Variants in ADGRL2 observed in about 807,000 individuals in gnomAD.
ADGRL2 encodes calcium-independent alpha-latrotoxin receptor 2.
ADGRL2 carries 44 observed loss-of-function variants against 157.4 expected under a neutral mutation model. That is an observed-to-expected ratio of 0.28 (90% CI 0.22 to 0.36). The LOEUF is 0.36. Among genes scored for constraint, ADGRL2 ranks in the 10% least tolerant of loss-of-function variants. The pLI, the probability that ADGRL2 is intolerant of heterozygous loss-of-function variation, is 1.00. For missense variants in ADGRL2, 1,510 were observed against 1,768.9 expected (o/e 0.85, Z 2.63); for synonymous variants, 585 against 624.7 (o/e 0.94, Z 0.95).
At chr1:81,603,170 G>C (rs2081367787) in intron 3 of ADGRL2, among the ~76,000 whole-genome samples, 1 of 151,416 alleles carries the variant, frequency 6.6e-6, no homozygotes, top group African/African-American at 2.4e-5. Context: ...TTTTTCTTTG[G>C]CCTAAAATAT....
intron 1 of ADGRL2, among the ~76,000 whole-genome samples, chr1:81,832,365 G>A (rs1158828339): frequency 3.3e-5 from 5 of 152,072 alleles, no homozygotes; most frequent in African/African-American, 9.7e-5. Flanking sequence ...GGCTGGTCTC[G>A]AACTCCTGAC....
At chr1:81,377,499 G>T (rs1376366747) in intron 1 of ADGRL2, among the ~76,000 whole-genome samples, 1 of 151,986 alleles carries the variant, frequency 6.6e-6, no homozygotes, top group Non-Finnish European at 1.5e-5. Flanking sequence ...TTGCTGTTTG[G>T]TACATACTCA....
chr1:81,568,801 C>A (rs2080620578), intron 2 of ADGRL2, among the ~76,000 whole-genome samples: 1 of 152,000 alleles, frequency 6.6e-6, no homozygotes, highest in Non-Finnish European at 1.5e-5. Flanking sequence ...TTATTCAATT[C>A]ATTTTTTAAA....
At chr1:81,980,180 G>T (rs1661256409) in intron 18 of ADGRL2, among the ~76,000 whole-genome samples, 1 of 151,538 alleles carries the variant, frequency 6.6e-6, no homozygotes, top group South Asian at 2.1e-4. Flanking sequence ...TTGTTTCAGT[G>T]GCTTTGTGGA....
chr1:81,969,686 A>G (rs1158273088), intron 15 of ADGRL2, among the ~76,000 whole-genome samples: 1 of 152,096 alleles, frequency 6.6e-6, no homozygotes, highest in African/African-American at 2.4e-5. Context: ...AAAAATTCTT[A>G]TTTTGTTTAC....
In ADGRL2 at chr1:81,723,987, G is replaced by A. The variant is rs79879103; in HGVS notation, c.-143+24179G>A. ...ATTCTCTTTCCTAGTCAAAAAATGCGCAACTCCGTGTCTGCTTTCTGCTTG... is the reference window on the plus strand; with the variant it reads ...ATTCTCTTTCCTAGTCAAAAAATGCACAACTCCGTGTCTGCTTTCTGCTTG... On this transcript the variant is annotated intron_variant, in intron 1 of 20. Coordinates refer to the ADGRL2 transcript ENST00000359929. Among the ~76,000 whole-genome samples the A allele has an allele frequency of 4.3e-3, 657 of 152,084 alleles. 2 individuals are homozygous for A. Among genetic ancestry groups the A allele is most frequent in the Non-Finnish European group, 6.9e-3 (466 of 68,000 alleles).
At chr1:81,807,739 G>A (rs914421550) in intron 1 of ADGRL2, among the ~76,000 whole-genome samples, 17 of 151,832 alleles carry the variant, frequency 1.1e-4, no homozygotes, top group African/African-American at 4.1e-4. Flanking sequence ...TGTTAAGCAT[G>A]TTAAGTATAG....
rs779206551 is a variant in ADGRL2, at chr1:81,907,187, A to G, written c.244A>G (p.Thr82Ala). The change falls in exon 3 of 24, where the codon ACA becomes GCA. Residue 82 changes from threonine (T) to alanine (A), a missense_variant. Physicochemically the swap from Thr to Ala is moderately conservative, Grantham distance 58. This residue lies in a region of ADGRL2 where 361 missense variants were observed against 498.4 expected (regional missense o/e 0.72). Coordinates refer to ENST00000686636, the MANE Select transcript of ADGRL2 (RefSeq NM_001366006.2). ...CDADPFQMEN[T>A]DCYLPDAFKI... ...TGCTGACCCATTTCAGATGGAGAAT[A>G]CAGACTGCTACCTCCCCGATGCCTT... 1 of 1,614,132 alleles carries G rather than the reference A, an allele frequency of 6.2e-7. No individual in the cohort carries two copies. The highest frequency in any genetic ancestry group is 2.2e-5 in the East Asian group (1 of 44,872).
chr1:81,643,763 T>C (rs1431707543), intron 3 of ADGRL2, among the ~76,000 whole-genome samples: 1 of 152,118 alleles, frequency 6.6e-6, no homozygotes, highest in African/African-American at 2.4e-5. Context: ...ACTAAATAAA[T>C]GGAGAGAGAT....
chr1:81,737,430 T>G (rs953458896), intron 1 of ADGRL2, among the ~76,000 whole-genome samples: 1 of 152,226 alleles, frequency 6.6e-6, no homozygotes. Flanking sequence ...TGAGAACTAA[T>G]TCACCATCAT....
In ADGRL2 at chr1:81,375,135, T is replaced by C. The variant is rs930128869; in HGVS notation, c.-302+68626T>C. Among the ~76,000 whole-genome samples the C allele has an allele frequency of 3.3e-5, 5 of 152,304 alleles. No individual in the cohort carries two copies. In the East Asian group the frequency reaches 7.7e-4, roughly 24 times the overall value. On this transcript the variant is annotated intron_variant, in intron 1 of 24. Coordinates refer to the ADGRL2 transcript ENST00000370721. ...CCCTGTCTTCAGACAAATAAAAAGA[T>C]GTGAGCACCTGTGAGCAAACTTAGC...
At chr1:81,609,605 T>C (rs535023065) in intron 3 of ADGRL2, among the ~76,000 whole-genome samples, 25 of 152,314 alleles carry the variant, frequency 1.6e-4, no homozygotes, top group Non-Finnish European at 3.2e-4. Flanking sequence ...TGTGTCTTGA[T>C]GGAGCACCAC....
intron 1 of ADGRL2, among the ~76,000 whole-genome samples, chr1:81,832,249 C>T (rs1238622002): frequency 3.9e-5 from 6 of 152,146 alleles, no homozygotes; most frequent in Non-Finnish European, 8.8e-5. Flanking sequence ...TCAAGCAATT[C>T]TCCTTCCTTA....
intron 1 of ADGRL2, among the ~76,000 whole-genome samples, chr1:81,384,568 T>C (rs966029234): frequency 3.3e-5 from 5 of 152,334 alleles, no homozygotes; most frequent in Non-Finnish European, 7.3e-5. Context: ...ATCATTTTTC[T>C]TTGAATTGCG....
At chr1:81,748,275 G>A (rs1261573194) in intron 1 of ADGRL2, among the ~76,000 whole-genome samples, 2 of 151,762 alleles carry the variant, frequency 1.3e-5, no homozygotes, top group African/African-American at 2.4e-5. Context: ...TCAAGAGATC[G>A]AGACCATCCT....
intron 1 of ADGRL2, among the ~76,000 whole-genome samples, chr1:81,350,233 T>A (rs950779080): frequency 6.6e-6 from 1 of 152,218 alleles, no homozygotes; most frequent in Non-Finnish European, 1.5e-5. Flanking sequence ...CTTTGCCTAA[T>A]ATAACTCTAT....
At chr1:81,454,216 T>G (rs2077757764) in intron 2 of ADGRL2, among the ~76,000 whole-genome samples, 1 of 152,148 alleles carries the variant, frequency 6.6e-6, no homozygotes, top group African/African-American at 2.4e-5. Flanking sequence ...CTAGAAGCAT[T>G]TGTCTGATTA....
At chr1:81,817,292 A>G (rs547915340) in intron 1 of ADGRL2, among the ~76,000 whole-genome samples, 78 of 151,506 alleles carry the variant, frequency 5.1e-4, no homozygotes, top group Non-Finnish European at 8.7e-4. Flanking sequence ...TTTTTTGGTA[A>G]GATTTATGAA....
upstream of ADGRL2, among the ~76,000 whole-genome samples, chr1:81,695,574 C>A (rs993897257): frequency 6.6e-6 from 1 of 152,128 alleles, no homozygotes; most frequent in African/African-American, 2.4e-5. Context: ...AATCCCAGCA[C>A]TTTGGGAGAC....
Sources: gnomAD v4.1 joint callset for allele counts (sites outside exome capture counted in the v4.1 genomes callset) on GRCh38, gnomAD v4.1.1 for gene constraint, gnomAD v4.1.1 regional missense constraint, MANE v1.5 for transcripts, NCBI Gene and HGNC (gene_info 2026-07-23, HGNC 2026-07-21) for gene names.